Variants in ZNF880 observed in about 807,000 individuals in gnomAD.
The protein encoded by ZNF880 is zinc finger protein 880, also known as zinc finger protein LOC400713.
A neutral mutation model predicts 11.8 loss-of-function variants in ZNF880; 12 were observed. The ratio of observed to expected loss-of-function variants is 1.02; its 90% CI spans 0.65 to 1.65. The LOEUF (loss-of-function observed/expected upper bound fraction) is 1.65. Ranked by LOEUF, ZNF880 falls within the 40% of genes most tolerant of loss-of-function variation. ZNF880 has a pLI of 0.00. For synonymous variants in ZNF880, 210 were observed against 232.4 expected, an observed-to-expected ratio of 0.90 and a Z score of 0.88; for missense variants, 601 against 673.9, an observed-to-expected ratio of 0.89 and a Z score of 1.20.
chr19:52,367,648 A>G (rs999741433), upstream of ZNF880: 6 of 152,182 alleles, frequency 3.9e-5, no homozygotes, highest in African/African-American at 1.4e-4. Flanking sequence ...AATTACACTT[A>G]GTACTTGAGT....
intron 1 of ZNF880, among the ~76,000 whole-genome samples, chr19:52,371,287 C>G (rs1300457195): frequency 6.6e-6 from 1 of 151,806 alleles, no homozygotes; most frequent in Non-Finnish European, 1.5e-5. Flanking sequence ...CTTATTTTAA[C>G]TATACTCAGT....
At chr19:52,374,455 GC>G in intron 3 of ZNF880, 28 bp downstream of exon 3, 1 of 1,589,198 alleles carries the variant, frequency 6.3e-7, no homozygotes, top group Non-Finnish European at 8.6e-7. Context: ...CAGAGTGGAG[GC>G]CCCATAATTT....
chr19:52,367,695 G>A (rs1986178430), upstream of ZNF880: 1 of 104,976 alleles, frequency 9.5e-6, no homozygotes, highest in South Asian at 3.5e-4. Flanking sequence ...TGTTTATGTG[G>A]GTAAAGTCAA....
upstream of ZNF880, among the ~76,000 whole-genome samples, chr19:52,369,686 G>A (rs1408752508): frequency 6.6e-6 from 1 of 152,024 alleles, no homozygotes; most frequent in Non-Finnish European, 1.5e-5. Context: ...CCACATGCGA[G>A]CGCCCCTACA....
At chr19:52,394,103 T>G in the ZNF880 span, among the ~76,000 whole-genome samples, 90 of 152,150 alleles carry the variant, frequency 5.9e-4, 1 homozygote, top group Admixed American at 3.7e-3. Context: ...CCTCCCAAAG[T>G]GCTGGGATTA....
At chr19:52,370,692 TCTGA>T (rs1986339555) in intron 1 of ZNF880, 1 of 152,234 alleles carries the variant, frequency 6.6e-6, no homozygotes, top group Admixed American at 6.5e-5. Context: ...TTTTACATGG[TCTGA>T]CTTTTTGAAA....
In ZNF880 at chr19:52,384,864, A is replaced by G. The variant is rs765829403; in HGVS notation, c.1284A>G (p.Leu428=). Residue 428 remains leucine, a synonymous_variant, in exon 4 of 4, where the codon CTA becomes CTG. Transcript: ENST00000422689. ...GTTCAGGCCTTACTGCCCATCTACT[A>G]ATTCACACTGGAGAGAAACCTTACA... ...RDCSGLTAHL[L]IHTGEKPYKC... 54 of 1,611,988 alleles carry G rather than the reference A, an allele frequency of 3.3e-5. No individual in the cohort carries two copies. The highest frequency in any genetic ancestry group is 8.0e-5 in the African/African-American group (6 of 74,864).
the ZNF880 span, among the ~76,000 whole-genome samples, chr19:52,393,825 T>TA: frequency 0.011 from 1,523 of 141,640 alleles, 30 homozygotes; most frequent in African/African-American, 0.04. Flanking sequence ...TGTATTTCTT[T>TA]GCCCCCCCCC....
chr19:52,396,502 A>C, the ZNF880 span: 1 of 152,278 alleles, frequency 6.6e-6, no homozygotes, highest in African/African-American at 2.4e-5. Flanking sequence ...CCAGTGACCT[A>C]GGTGAGAAGT....
chr19:52,381,743 G>T (rs959054430), intron 3 of ZNF880, among the ~76,000 whole-genome samples: 2 of 151,762 alleles, frequency 1.3e-5, no homozygotes, highest in East Asian at 3.9e-4. Context: ...TGTGTGTGTC[G>T]GATAGATTTT....
In ZNF880 at chr19:52,385,277, A is replaced by G. The variant is rs1466086117; in HGVS notation, c.1697A>G (p.His566Arg). The G allele has an allele frequency of 2.2e-5, 34 of 1,551,936 alleles. No individual in the cohort carries two copies. The highest frequency in any genetic ancestry group is 1.7e-4 in the Middle Eastern group (1 of 6,016). Residue 566 changes from histidine (H) to arginine (R), a missense_variant, in exon 4 of 4, where the codon CAT (histidine) becomes CGT (arginine). Transcript: ENST00000422689. The stretch of plus-strand genomic sequence containing the variant: ...ACTCGAAATTCAAACCTGGCAAATC[A>G]TCACAGAATCCATACTGGAGAGAAA... ...DFTRNSNLANHHRIHTGEKPY... is the reference protein window; with the variant it reads ...DFTRNSNLANRHRIHTGEKPY...
In ZNF880 at chr19:52,385,654, A is replaced by G. The variant is rs1170435370; in HGVS notation, c.*340A>G. ...AGTCTCTAGTTCTCCAATATTTATG[A>G]TACTGCATGCTGCAGAAAAGTCACA... On this transcript the variant is annotated 3_prime_UTR_variant, in exon 4 of 4. Coordinates refer to ENST00000422689, the MANE Select transcript of ZNF880 (RefSeq NM_001145434.2). 1.6e-5 allele frequency: 3 copies of G among 186,898 alleles called. 1 individual carries two copies. The highest frequency in any genetic ancestry group is 1.1e-4 in the African/African-American group (3 of 28,414). 11.6% of individuals were successfully genotyped at this position (186,898 alleles called of 1,614,324 possible).
chr19:52,371,688 T>C (rs2122344305), intron 1 of ZNF880, among the ~76,000 whole-genome samples: 1 of 152,190 alleles, frequency 6.6e-6, no homozygotes, highest in Admixed American at 6.5e-5. Context: ...ATTCTTAAAG[T>C]TTGATTCTAA....
At chr19:52,382,245 C>T (rs1369653096) in intron 3 of ZNF880, among the ~76,000 whole-genome samples, 1 of 152,016 alleles carries the variant, frequency 6.6e-6, no homozygotes, top group African/African-American at 2.4e-5. Context: ...CCACTGCACT[C>T]TAGCCTGGGT....
chr19:52,381,427 G>A (rs537548342), intron 3 of ZNF880, among the ~76,000 whole-genome samples: 1 of 152,152 alleles, frequency 6.6e-6, no homozygotes, highest in South Asian at 2.1e-4. Flanking sequence ...GTTCCTGTTT[G>A]CATGGAAAAT....
intron 3 of ZNF880, among the ~76,000 whole-genome samples, chr19:52,383,474 C>T (rs1190161380): frequency 2.0e-5 from 3 of 152,146 alleles, no homozygotes; most frequent in Non-Finnish European, 4.4e-5. Flanking sequence ...AACAGCCACT[C>T]CTTTTCTGGG....
chr19:52,381,631 TTTTTTAAATCTTGTAGA>T (rs1986707646), intron 3 of ZNF880, among the ~76,000 whole-genome samples: 1 of 104,162 alleles, frequency 9.6e-6, no homozygotes, highest in African/African-American at 4.2e-5. Flanking sequence ...TATCTGTAGA[TTTTTTAAATCTTGTAGA>T]TTTTTTTCCC....
chr19:52,370,978 C>G (rs543423360), intron 1 of ZNF880, among the ~76,000 whole-genome samples: 17 of 152,310 alleles, frequency 1.1e-4, no homozygotes, highest in South Asian at 8.3e-4. Context: ...ACAACTCTTT[C>G]AGTTGTCACA....
chr19:52,372,415 G>A (rs1353715788), intron 1 of ZNF880, among the ~76,000 whole-genome samples: 1 of 145,918 alleles, frequency 6.9e-6, no homozygotes, highest in Non-Finnish European at 1.5e-5. Context: ...AGCCTCACGA[G>A]TAACTGGGAC....
Sources: gnomAD v4.1 joint callset for allele counts (sites outside exome capture counted in the v4.1 genomes callset) on GRCh38, gnomAD v4.1.1 for gene constraint, MANE v1.5 for transcripts, NCBI Gene and HGNC (gene_info 2026-07-23, HGNC 2026-07-21) for gene names.